PTPRN2: variants seen among roughly 807,000 people sequenced by gnomAD.
The protein encoded by PTPRN2 is protein tyrosine phosphatase receptor type N2.
A neutral mutation model predicts 118.8 loss-of-function variants in PTPRN2; 74 were observed. The observed-to-expected ratio is 0.62, with a 90% CI of 0.52 to 0.76. PTPRN2 has a LOEUF of 0.76. PTPRN2 is among the 30% of genes least tolerant of loss of function. PTPRN2 has a pLI of 0.00. For synonymous variants in PTPRN2, 641 were observed against 608.0 expected, an observed-to-expected ratio of 1.05 and a Z score of -0.80; for missense variants, 1,481 against 1,394.4, an observed-to-expected ratio of 1.06 and a Z score of -0.99.
At chr7:157,607,880 C>A (rs1802098665) in intron 15 of PTPRN2, among the ~76,000 whole-genome samples, 1 of 152,060 alleles carries the variant, frequency 6.6e-6, no homozygotes, top group South Asian at 2.1e-4. Flanking sequence ...GGCACCTGAG[C>A]CCTGCTGGCA....
intron 11 of PTPRN2, among the ~76,000 whole-genome samples, chr7:158,071,075 G>A (rs977077100): frequency 1.6e-4 from 15 of 93,906 alleles, no homozygotes; most frequent in African/African-American, 2.5e-4. Context: ...GCTCGTGGTG[G>A]TGGAGGTGCC....
intron 21 of PTPRN2, among the ~76,000 whole-genome samples, chr7:157,563,931 A>G (rs221287): frequency 0.96 from 145,261 of 152,098 alleles, 69,483 homozygotes; most frequent in Middle Eastern, 1. Flanking sequence ...TCAGGACCAC[A>G]TGCTCCCGCA....
chr7:158,154,647 A>C (rs967206991), intron 6 of PTPRN2, among the ~76,000 whole-genome samples: 2 of 152,184 alleles, frequency 1.3e-5, no homozygotes, highest in Non-Finnish European at 2.9e-5. Context: ...TATAATAGGA[A>C]ACATCCACCT....
rs1795588410 is a variant in PTPRN2 at position 157,874,455 on chromosome 7, C to T, written c.1788+24218G>A. On this transcript the variant is annotated intron_variant, in intron 12 of 22. Transcript: ENST00000389418. This position sits in a 1 kb window ranked among gnomAD's most constrained non-coding sequence, Gnocchi z 5.8. ...CTGCCTCTGCTTCTGTCCACATGGC[C>T]CCAGCCACAGTGCCTTCCTGCCAGC... Among the ~76,000 whole-genome samples, 1 of 152,234 alleles carries T rather than the reference C, an allele frequency of 6.6e-6. No individual in the cohort carries two copies. The highest frequency in any genetic ancestry group is 1.5e-5 in the Non-Finnish European group (1 of 68,038).
rs373583577 is a variant in PTPRN2 at position 158,019,404 on chromosome 7, G to A, written c.1723+61894C>T. 9.2e-5 allele frequency among the ~76,000 whole-genome samples: 14 copies of A among 152,364 alleles called. 1 individual carries two copies. The highest frequency in any genetic ancestry group is 3.1e-4 in the African/African-American group (13 of 41,590). ...CAGAGGCCGTGGTGTTTCTGACGCC[G>A]CCTCTCTTTAAGGGTGGCTACAAGG... On this transcript the variant is annotated intron_variant, in intron 11 of 22. Transcript: ENST00000389418.
intron 12 of PTPRN2, among the ~76,000 whole-genome samples, chr7:157,832,406 C>CTTTT (rs751129316): frequency 1.3e-5 from 2 of 152,156 alleles, no homozygotes; most frequent in Non-Finnish European, 2.9e-5. Context: ...AGACAGAATA[C>CTTTT]TTTTGTTTTT....
At chr7:158,265,925 TTCTC>T (rs892543568) in intron 3 of PTPRN2, among the ~76,000 whole-genome samples, 5 of 152,172 alleles carry the variant, frequency 3.3e-5, no homozygotes, top group African/African-American at 1.2e-4. Flanking sequence ...TTTGCCCAGC[TTCTC>T]TCTCTAGCAT....
In PTPRN2 at chr7:158,365,846, ACACC is replaced by A. The variant is rs1414158745; in HGVS notation, c.164-48918_164-48915del. On this transcript the variant is annotated intron_variant, in intron 2 of 22. Transcript: ENST00000389418. ...GACCAGTGCATGCGTGCACACACAC[ACACC>A]CACACACACACAGCATCCCTGGGAG... Among the ~76,000 whole-genome samples the A allele has an allele frequency of 7.0e-5, 10 of 143,770 alleles. 1 individual carries two copies. Among genetic ancestry groups the A allele is most frequent in the South Asian group, 2.3e-4 (1 of 4,384 alleles). The allele number at this position is 143,770 out of a possible 152,430, so 94.3% of individuals were successfully genotyped here. A position where few individuals can be genotyped will look rare whatever the true frequency, so the allele number is the denominator to read the frequency against.
chr7:158,338,610 C>T (rs1450398678), intron 2 of PTPRN2, among the ~76,000 whole-genome samples: 1 of 88,438 alleles, frequency 1.1e-5, no homozygotes, highest in East Asian at 3.1e-4. Flanking sequence ...CTGAGGCCCA[C>T]AGAGGACACT....
intron 13 of PTPRN2, among the ~76,000 whole-genome samples, chr7:157,673,836 C>T (rs925932164): frequency 1.3e-5 from 2 of 152,162 alleles, no homozygotes; most frequent in African/African-American, 4.8e-5. Context: ...ACCCGGCACC[C>T]AGGGCTCCCC....
intron 2 of PTPRN2, among the ~76,000 whole-genome samples, chr7:158,366,944 A>G (rs1416882423): frequency 6.6e-6 from 1 of 152,214 alleles, no homozygotes; most frequent in Non-Finnish European, 1.5e-5. Flanking sequence ...TTTCTGCTAC[A>G]TAACCCTGTC....
intron 11 of PTPRN2, among the ~76,000 whole-genome samples, chr7:157,993,605 G>C (rs1353269936): frequency 6.6e-6 from 1 of 152,144 alleles, no homozygotes; most frequent in South Asian, 2.1e-4. Context: ...TCGGCCAGCC[G>C]GGAGGTGTCC....
At chr7:157,848,987 T>C (rs1396881420) in intron 12 of PTPRN2, among the ~76,000 whole-genome samples, 1 of 152,210 alleles carries the variant, frequency 6.6e-6, no homozygotes, top group African/African-American at 2.4e-5. Flanking sequence ...GTGAGAGGAC[T>C]GGCTCTGGTC....
At chr7:158,329,749 G>T (rs1463499228) in intron 2 of PTPRN2, among the ~76,000 whole-genome samples, 1 of 152,152 alleles carries the variant, frequency 6.6e-6, no homozygotes, top group Non-Finnish European at 1.5e-5. Context: ...GGAGGTTAAG[G>T]AACTTGCTCA....
At chr7:158,360,076 A>G (rs13227803) in intron 2 of PTPRN2, among the ~76,000 whole-genome samples, 58,433 of 68,548 alleles carry the variant, frequency 0.85, 24,612 homozygotes, top group Middle Eastern at 0.89. Flanking sequence ...CAGACCCCAC[A>G]TCCACCCTCA....
intron 11 of PTPRN2, among the ~76,000 whole-genome samples, chr7:157,952,500 G>T (rs1375301637): frequency 2.6e-5 from 4 of 151,486 alleles, no homozygotes; most frequent in African/African-American, 7.3e-5. Flanking sequence ...GGGTGGGGAG[G>T]GAGACGCTGA....
chr7:157,551,743 GCCACCACA>G (rs1481710173), intron 21 of PTPRN2, among the ~76,000 whole-genome samples: 14 of 129,442 alleles, frequency 1.1e-4, no homozygotes, highest in African/African-American at 3.3e-4. Context: ...ACAACCCACA[GCCACCACA>G]CAACCCACAG....
At chr7:157,857,186 A>T (rs1174853943) in intron 12 of PTPRN2, 23 of 51,932 alleles carry the variant, frequency 4.4e-4, no homozygotes, top group African/African-American at 1.7e-3. Context: ...AAGGGGAGGG[A>T]GGGGGATGCT....
intron 12 of PTPRN2, among the ~76,000 whole-genome samples, chr7:157,851,999 A>G (rs1809312270): frequency 6.6e-6 from 1 of 152,258 alleles, no homozygotes; most frequent in Non-Finnish European, 1.5e-5. Flanking sequence ...CCACCCGCTC[A>G]GAAGAAAAAA....
Sources: gnomAD v4.1 joint callset for allele counts (sites outside exome capture counted in the v4.1 genomes callset) on GRCh38, gnomAD v4.1.1 for gene constraint, Gnocchi (gnomAD v3.1) non-coding constraint, MANE v1.5 for transcripts, NCBI Gene and HGNC (gene_info 2026-07-23, HGNC 2026-07-21) for gene names.